Variants in PCDH11X observed in about 807,000 individuals in gnomAD.
The protein encoded by PCDH11X is protocadherin-11 X-linked.
In PCDH11X, 18 loss-of-function variants were observed where a neutral mutation model predicts 53.3. That is an observed-to-expected ratio of 0.34 (90% confidence interval 0.23 to 0.50). The LOEUF (loss-of-function observed/expected upper bound fraction) is 0.50. PCDH11X is among the 20% of genes least tolerant of loss of function. PCDH11X has a pLI of 0.98. For missense variants in PCDH11X, 570 were observed against 1,032.4 expected (o/e 0.55, Z 6.14); for synonymous variants, 279 against 393.3 (o/e 0.71, Z 3.44).
chrX:92,507,067 A>G (rs918468181), intron 10 of PCDH11X, among the ~76,000 whole-genome samples: 4 of 109,956 alleles, frequency 3.6e-5, no homozygotes, highest in Admixed American at 9.7e-5. Flanking sequence ...TTGGTATTAA[A>G]GCCCCCTTTT....
intron 10 of PCDH11X, among the ~76,000 whole-genome samples, chrX:92,490,914 G>T (rs2556754): frequency 0.14 from 15,246 of 106,021 alleles, 1,217 homozygotes; most frequent in East Asian, 0.38. Context: ...TGAGTTTTGG[G>T]GCAGATCGTA....
At chrX:92,206,984 G>C (rs2066487867) in intron 7 of PCDH11X, among the ~76,000 whole-genome samples, 1 of 111,638 alleles carries the variant, frequency 9.0e-6, no homozygotes, top group South Asian at 3.7e-4. Context: ...AAATGAGAAT[G>C]TCCATTTCCT....
At chrX:92,332,114 A>G (rs1418015248) in intron 8 of PCDH11X, among the ~76,000 whole-genome samples, 1 of 112,003 alleles carries the variant, frequency 8.9e-6, no homozygotes, top group Non-Finnish European at 1.9e-5. Flanking sequence ...ATACAGTTAC[A>G]GTGAAATCAC....
At chrX:92,585,659 C>G (rs376511151) in intron 10 of PCDH11X, among the ~76,000 whole-genome samples, 2 of 110,784 alleles carry the variant, frequency 1.8e-5, no homozygotes, top group East Asian at 5.7e-4. Context: ...CGTGAGCCAC[C>G]GCGCCCAGCC....
At chrX:92,513,114 C>A (rs1326069574) in intron 10 of PCDH11X, among the ~76,000 whole-genome samples, 6 of 110,426 alleles carry the variant, frequency 5.4e-5, no homozygotes, top group African/African-American at 2.0e-4. Flanking sequence ...ATAAAATACA[C>A]AAATAGTATA....
At chrX:91,851,078 T>C (rs929205655) in intron 5 of PCDH11X, among the ~76,000 whole-genome samples, 12 of 109,614 alleles carry the variant, frequency 1.1e-4, no homozygotes, top group Middle Eastern at 9.5e-3. Context: ...TGTGTTTTTT[T>C]TCTGCACTAT....
chrX:92,173,355 A>G (rs971974135), intron 6 of PCDH11X, among the ~76,000 whole-genome samples: 1 of 111,862 alleles, frequency 8.9e-6, no homozygotes, highest in Admixed American at 9.6e-5. Flanking sequence ...TGTTTTTTAG[A>G]ATAAAGAAAA....
intron 10 of PCDH11X, among the ~76,000 whole-genome samples, chrX:92,579,178 T>A (rs1272982996): frequency 2.0e-5 from 2 of 101,453 alleles, no homozygotes; most frequent in African/African-American, 7.4e-5. Context: ...GTCCTTAATA[T>A]TTTTTTCCTT....
chrX:92,158,463 T>C (rs1480111424), intron 6 of PCDH11X, among the ~76,000 whole-genome samples: 2 of 108,020 alleles, frequency 1.9e-5, no homozygotes, highest in African/African-American at 3.4e-5. Flanking sequence ...TAAGTTTAGA[T>C]CATGCCACTG....
Position 92,613,524 on chromosome X carries a change from G to GT in PCDH11X, c.3368-4733dup, listed in dbSNP as rs200455058. ...GACGTTTTTCTCTAGTTGCCTTTAA[G>GT]TTTTTTTGTTGTTGTTGTTGTTGTG... is the stretch of plus-strand genomic sequence containing the variant. On this transcript the variant is annotated intron_variant, in intron 10 of 10. Transcript: ENST00000682573. Among the ~76,000 whole-genome samples, 32 of 83,053 alleles carry GT rather than the reference G, an allele frequency of 3.9e-4. 1 individual carries two copies. Among genetic ancestry groups the GT allele is most frequent in the East Asian group, 2.1e-3 (6 of 2,890 alleles). The allele number at this position is 83,053 out of a possible 115,157, so 72.1% of individuals were successfully genotyped here.
At chrX:92,415,805 T>C in intron 9 of PCDH11X, among the ~76,000 whole-genome samples, 1 of 111,413 alleles carries the variant, frequency 9.0e-6, no homozygotes, top group Non-Finnish European at 1.9e-5. Context: ...AGACTGAATA[T>C]ATGTTTTAAC....
chrX:91,947,268 CAAGT>C (rs2061588201), intron 6 of PCDH11X, among the ~76,000 whole-genome samples: 1 of 109,308 alleles, frequency 9.1e-6, no homozygotes, highest in Non-Finnish European at 1.9e-5. Context: ...CAACATCATT[CAAGT>C]GCAAATCTTG....
intron 7 of PCDH11X, among the ~76,000 whole-genome samples, chrX:92,240,006 A>G (rs1189545974): frequency 8.9e-6 from 1 of 112,056 alleles, no homozygotes; most frequent in East Asian, 2.8e-4. Context: ...TTTGTTTCTA[A>G]TGCTAGTTAA....
At chrX:92,281,684 A>T (rs951592008) in intron 8 of PCDH11X, among the ~76,000 whole-genome samples, 2 of 111,802 alleles carry the variant, frequency 1.8e-5, no homozygotes, top group Admixed American at 1.9e-4. Context: ...TCTTTCCATT[A>T]GAGTCCAAAC....
At chrX:92,171,774 G>C (rs1019520315) in intron 6 of PCDH11X, among the ~76,000 whole-genome samples, 1 of 110,672 alleles carries the variant, frequency 9.0e-6, no homozygotes, top group Non-Finnish European at 1.9e-5. Flanking sequence ...TTGAATTTGT[G>C]TAGGGATTAT....
chrX:92,112,108 CA>C (rs1298986415), intron 6 of PCDH11X, among the ~76,000 whole-genome samples: 199 of 72,251 alleles, frequency 2.8e-3, no homozygotes, highest in Middle Eastern at 0.015. Flanking sequence ...CCAGGAATAC[CA>C]AAAAAAAAAA....
intron 6 of PCDH11X, among the ~76,000 whole-genome samples, chrX:92,056,342 T>C (rs1321702287): frequency 8.9e-6 from 1 of 111,936 alleles, no homozygotes; most frequent in African/African-American, 3.2e-5. Context: ...TTTTGAAAAG[T>C]ATCTGTTCAT....
intron 7 of PCDH11X, among the ~76,000 whole-genome samples, chrX:92,245,448 C>A (rs780372269): frequency 8.9e-6 from 1 of 112,220 alleles, no homozygotes; most frequent in Non-Finnish European, 1.9e-5. Context: ...ACAATGATAC[C>A]TCTATTAATG....
rs372279015 is a variant in PCDH11X, at chrX:92,587,061, A to G, written c.3368-31203A>G. Among the ~76,000 whole-genome samples, 15 of 101,038 alleles carry G rather than the reference A, an allele frequency of 1.5e-4. 1 individual carries two copies. The East Asian group carries it at 4.4e-3, about 29-fold the overall frequency. The allele number at this position is 101,038 out of a possible 115,157, so 87.7% of individuals were successfully genotyped here. A position where few individuals can be genotyped will look rare whatever the true frequency, so the allele number is the denominator to read the frequency against. The stretch of plus-strand genomic sequence containing the variant: ...CTAAAACACAATATTGACAGTCTTC[A>G]GTGGGGCAATTGGGAAGCTGCTGAA... On this transcript the variant is annotated intron_variant, in intron 10 of 10. Transcript: ENST00000682573.
Sources: allele counts gnomAD v4.1 joint callset (sites outside exome capture counted in the v4.1 genomes callset), GRCh38; gene constraint gnomAD v4.1.1; transcripts MANE v1.5; gene names NCBI Gene and HGNC (gene_info 2026-07-23, HGNC 2026-07-21).